THADA: variants seen among roughly 807,000 people sequenced by gnomAD.
THADA encodes the protein tRNA (32-2'-O)-methyltransferase regulator THADA.
Under a neutral mutation model 219.8 loss-of-function variants are expected in THADA, and 213 were observed. That is an observed-to-expected ratio of 0.97 (90% CI 0.87 to 1.09). The LOEUF (loss-of-function observed/expected upper bound fraction) is 1.09, where lower values mean the gene tolerates loss of function less well. THADA is among the 50% of genes least tolerant of loss of function. The probability of loss-of-function intolerance (pLI) is 0.00; values close to 1 mark genes in which losing one functional copy is unlikely to be tolerated. For missense variants in THADA, 2,956 were observed against 2,311.3 expected (o/e 1.28, Z -5.72); for synonymous variants, 1,018 against 828.9 (o/e 1.23, Z -3.92).
chr2:43,463,913 T>G (rs1443316906), intron 26 of THADA, among the ~76,000 whole-genome samples: 3 of 152,212 alleles, frequency 2.0e-5, no homozygotes, highest in African/African-American at 7.2e-5. Context: ...AAGTTTAAAA[T>G]TTGCCGGAAG....
intron 27 of THADA, among the ~76,000 whole-genome samples, chr2:43,429,107 GTT>G (rs1207625930): frequency 1.2e-4 from 18 of 146,330 alleles, no homozygotes; most frequent in Admixed American, 5.4e-4. Flanking sequence ...ATGTGTGTGT[GTT>G]TTTTTTTTCT....
intron 26 of THADA, among the ~76,000 whole-genome samples, chr2:43,462,012 A>C (rs1380388477): frequency 6.6e-6 from 1 of 152,178 alleles, no homozygotes; most frequent in Non-Finnish European, 1.5e-5. Context: ...AATCTACCTT[A>C]ACATTTACCA....
intron 31 of THADA, among the ~76,000 whole-genome samples, chr2:43,311,592 C>G (rs903607652): frequency 6.6e-6 from 1 of 152,196 alleles, no homozygotes; most frequent in Non-Finnish European, 1.5e-5. Flanking sequence ...TTATTCATAA[C>G]AACCCAAAAG....
chr2:43,409,150 G>A (rs1048147744), intron 28 of THADA, among the ~76,000 whole-genome samples: 2 of 152,196 alleles, frequency 1.3e-5, no homozygotes, highest in African/African-American at 4.8e-5. Flanking sequence ...AATGATTGGT[G>A]CTACTGCTGT....
intron 28 of THADA, among the ~76,000 whole-genome samples, chr2:43,423,170 CCTATG>C (rs1677944293): frequency 1.3e-5 from 1 of 74,608 alleles, no homozygotes; most frequent in Non-Finnish European, 3.5e-5. Context: ...GTTTGTCAGT[CCTATG>C]CTTGAAGGTT....
intron 15 of THADA, chr2:43,566,247 A>G: frequency 2.1e-6 from 1 of 486,458 alleles, no homozygotes; most frequent in Middle Eastern, 5.4e-4. Context: ...ACATCCTCAT[A>G]TTGTCTTTCC....
intron 21 of THADA, among the ~76,000 whole-genome samples, chr2:43,528,218 C>T (rs1693421436): frequency 6.7e-6 from 1 of 150,078 alleles, no homozygotes; most frequent in African/African-American, 2.5e-5. Context: ...GCAACCTCCA[C>T]CTCCTGGGTT....
intron 30 of THADA, among the ~76,000 whole-genome samples, chr2:43,326,356 C>T (rs1679334869): frequency 6.6e-6 from 1 of 151,896 alleles, no homozygotes; most frequent in Non-Finnish European, 1.5e-5. Context: ...AAAGTGACCA[C>T]AACAGAGGAA....
intron 29 of THADA, chr2:43,391,657 T>C (rs375121181): frequency 2.0e-5 from 3 of 152,108 alleles, no homozygotes; most frequent in African/African-American, 7.2e-5. Flanking sequence ...AAGGCACACA[T>C]AGAAAGTAAT....
intron 29 of THADA, among the ~76,000 whole-genome samples, chr2:43,378,056 A>T (rs1383769018): frequency 1.3e-5 from 2 of 152,188 alleles, no homozygotes; most frequent in Non-Finnish European, 2.9e-5. Context: ...TGCAGAGGTG[A>T]TGTTGGGCAT....
chr2:43,439,878 C>G (rs1011377525), intron 26 of THADA, among the ~76,000 whole-genome samples: 3 of 152,094 alleles, frequency 2.0e-5, no homozygotes, highest in African/African-American at 7.2e-5. Flanking sequence ...CTTATACATA[C>G]TTTATACATA....
rs559058727 is a variant in THADA, at chr2:43,305,773, C to T, written c.4439-12560G>A. On this transcript the variant is annotated intron_variant, in intron 31 of 37. Transcript: ENST00000405975. The stretch of plus-strand genomic sequence containing the variant: ...TTTACTATTGCCTCCACCCACCATC[C>T]CATCTCAGCCTTTGCCCAACACAGG... Among the ~76,000 whole-genome samples the T allele has an allele frequency of 4.6e-5, 7 of 152,284 alleles. No individual in the cohort carries two copies. The South Asian group carries it at 8.3e-4, about 18-fold the overall frequency.
chr2:43,270,869 A>T (rs1672037573), intron 36 of THADA, among the ~76,000 whole-genome samples: 1 of 152,192 alleles, frequency 6.6e-6, no homozygotes, highest in African/African-American at 2.4e-5. Context: ...TAAAAACATA[A>T]AAATATAAAT....
intron 26 of THADA, among the ~76,000 whole-genome samples, chr2:43,453,962 A>G (rs1412395674): frequency 6.6e-6 from 1 of 152,144 alleles, no homozygotes; most frequent in African/African-American, 2.4e-5. Context: ...TAAAGCAGTC[A>G]TGGCTCACCG....
At chr2:43,250,029 G>A (rs1256831928) in intron 36 of THADA, among the ~76,000 whole-genome samples, 1 of 152,056 alleles carries the variant, frequency 6.6e-6, no homozygotes, top group Non-Finnish European at 1.5e-5. Context: ...ATTACCATGT[G>A]ACCCACAATT....
chr2:43,313,240 T>C (rs1677707730), intron 31 of THADA, among the ~76,000 whole-genome samples: 1 of 152,200 alleles, frequency 6.6e-6, no homozygotes, highest in African/African-American at 2.4e-5. Flanking sequence ...TTCCATTATA[T>C]AAATACAAGC....
intron 36 of THADA, among the ~76,000 whole-genome samples, chr2:43,248,468 G>A (rs917529209): frequency 2.0e-5 from 3 of 152,098 alleles, no homozygotes; most frequent in African/African-American, 7.2e-5. Flanking sequence ...CTGACCTCAG[G>A]AGATCTGCCC....
chr2:43,535,768 T>A (rs866649073), intron 21 of THADA, among the ~76,000 whole-genome samples: 3 of 152,030 alleles, frequency 2.0e-5, no homozygotes, highest in Non-Finnish European at 2.9e-5. Flanking sequence ...ATAGTAGTCT[T>A]TACCATTTAT....
At chr2:43,280,410 G>A (rs1673203751) in intron 35 of THADA, among the ~76,000 whole-genome samples, 1 of 152,086 alleles carries the variant, frequency 6.6e-6, no homozygotes, top group Non-Finnish European at 1.5e-5. Flanking sequence ...GAGGAGAGTG[G>A]ATCACGAGGT....
Sources: gnomAD v4.1 joint callset for allele counts (sites outside exome capture counted in the v4.1 genomes callset) on GRCh38, gnomAD v4.1.1 for gene constraint, MANE v1.5 for transcripts, NCBI Gene and HGNC (gene_info 2026-07-23, HGNC 2026-07-21) for gene names.